Variants in DTX3 observed in about 807,000 individuals in gnomAD.
The protein encoded by DTX3 is E3 ubiquitin-protein ligase DTX3.
DTX3 carries 10 observed loss-of-function variants against 27.4 expected under a neutral mutation model. That is an observed-to-expected ratio of 0.36 (90% CI 0.22 to 0.62). DTX3 has a LOEUF of 0.62. DTX3 is among the 20% of genes least tolerant of loss of function. The pLI, the probability that DTX3 is intolerant of heterozygous loss-of-function variation, is 0.68. For synonymous variants in DTX3, 171 were observed against 190.7 expected (o/e 0.90, Z 0.85); for missense variants, 319 against 463.8 (o/e 0.69, Z 2.87).
rs534917728 is a variant in DTX3 at position 57,608,884 on chromosome 12, C to G, written c.968+147C>G. On this transcript the variant is annotated intron_variant, in intron 6 of 6. Transcript: ENST00000337737. The surrounding 1 kb of genome is among the most constrained non-coding windows in gnomAD (Gnocchi z 6.1). ...CAGCCATCTCAGTTTCTCCTACATT[C>G]AACCTGGTCCTGGTGTGCCCAGCTT... is the stretch of plus-strand genomic sequence containing the variant. 25 of 1,126,840 alleles carry G rather than the reference C, an allele frequency of 2.2e-5. No homozygotes were observed. The Admixed American group carries it at 2.6e-4, about 12-fold the overall frequency. The allele number at this position is 1,126,840 out of a possible 1,614,324, so 69.8% of individuals were successfully genotyped here. A position where few individuals can be genotyped will look rare whatever the true frequency, so the allele number is the denominator to read the frequency against.
Position 57,607,230 on chromosome 12 carries a change from C to A in DTX3, c.367C>A (p.Pro123Thr), listed in dbSNP as rs1423428330. 14 of 1,606,670 alleles carry A rather than the reference C, an allele frequency of 8.7e-6. No homozygotes were observed. The change falls in exon 5 of 7, where the codon CCC becomes ACC. Residue 123 changes from proline to threonine, a missense_variant. Coordinates refer to ENST00000337737, the MANE Select transcript of DTX3 (RefSeq NM_178502.4). The surrounding 1 kb of genome is among the most constrained non-coding windows in gnomAD (Gnocchi z 7.7). ...CCCTGAGATGCACCGCGCAGGCCCA[C>A]CCCCTCTCCGAGCAGCCCCACTTCT... is the stretch of plus-strand genomic sequence containing the variant. ...EHPEMHRAGP[P>T]PLRAAPLLPP...
chr12:57,608,978 T>C lies in DTX3; in HGVS notation c.969-99T>C. 8.5e-7 allele frequency: 1 copy of C among 1,175,160 alleles called. No homozygotes were observed. Among genetic ancestry groups the C allele is most frequent in the Admixed American group, 1.9e-5 (1 of 52,320 alleles). 72.8% of individuals were successfully genotyped at this position (1,175,160 alleles called of 1,614,324 possible). On this transcript the variant is annotated intron_variant, in intron 6 of 6. Coordinates refer to ENST00000337737, the MANE Select transcript of DTX3 (RefSeq NM_178502.4). This position sits in a 1 kb window ranked among gnomAD's most constrained non-coding sequence, Gnocchi z 6.1. ...TGGAGGTGTCCTCCCTTAGGGGAGG[T>C]GGGGAGGTGTCTGAGCCACCTAGAA...
Position 57,607,477 on chromosome 12 carries a change from T to G in DTX3, c.614T>G (p.Phe205Cys), listed in dbSNP as rs753133057. The G allele has an allele frequency of 3.1e-6, 5 of 1,614,182 alleles. No individual in the cohort carries two copies. The South Asian group carries it at 5.5e-5, about 18-fold the overall frequency. Reference protein sequence around the residue: ...VKKACPMCGRFYGQLVGNQPQ... With the variant: ...VKKACPMCGRCYGQLVGNQPQ... ...AAGGCCTGCCCCATGTGCGGCCGCT[T>G]CTATGGGCAGCTGGTGGGCAACCAG... Residue 205 changes from phenylalanine (F) to cysteine (C), a missense_variant, in exon 5 of 7, where the codon TTC becomes TGC. Phe to Cys is a radical substitution (Grantham distance 205). This residue lies in a region of DTX3 where 117 missense variants were observed against 258.5 expected (regional missense o/e 0.45). Transcript: ENST00000337737. The surrounding 1 kb of genome is among the most constrained non-coding windows in gnomAD (Gnocchi z 7.7).
In DTX3 at chr12:57,606,264, G is replaced by A. The variant is rs151324459; in HGVS notation, c.-76+12G>A. 294 of 518,500 alleles carry A rather than the reference G, an allele frequency of 5.7e-4. No homozygotes were observed. Among genetic ancestry groups the A allele is most frequent in the African/African-American group, 2.7e-3 (134 of 50,264 alleles). 32.1% of individuals were successfully genotyped at this position (518,500 alleles called of 1,614,324 possible). On this transcript the variant is annotated intron_variant, in intron 3 of 6. Coordinates refer to ENST00000337737, the MANE Select transcript of DTX3 (RefSeq NM_178502.4). ...CATGGGCTTTCCAGGTATCTCCCCC[G>A]CAAGGGATCCTCAATTTTCACCCTT...
In DTX3 at chr12:57,607,418, C is replaced by T. The variant is rs776424735; in HGVS notation, c.555C>T (p.Cys185=). 6.2e-6 allele frequency: 10 copies of T among 1,613,824 alleles called. No homozygotes were observed. Among genetic ancestry groups the T allele is most frequent in the South Asian group, 4.4e-5 (4 of 91,048 alleles). The part of the protein sequence containing the change: ...KTLEKCRHSF[C]EGCITRALQV... Reference sequence around the variant, plus strand: ...TGGAGAAGTGCCGGCATTCATTCTGCGAGGGCTGCATCACCCGGGCTCTGC... The same window carrying T: ...TGGAGAAGTGCCGGCATTCATTCTGTGAGGGCTGCATCACCCGGGCTCTGC... Residue 185 remains cysteine (C), a synonymous_variant, in exon 5 of 7, where the codon TGC becomes TGT. Coordinates refer to ENST00000337737, the MANE Select transcript of DTX3 (RefSeq NM_178502.4). This position sits in a 1 kb window ranked among gnomAD's most constrained non-coding sequence, Gnocchi z 7.7.
In DTX3 at chr12:57,609,318, A is replaced by T; in HGVS notation, c.*166A>T. 1.5e-6 allele frequency: 1 copy of T among 649,920 alleles called. No individual in the cohort carries two copies. Among genetic ancestry groups the T allele is most frequent in the Non-Finnish European group, 2.7e-6 (1 of 367,950 alleles). 40.3% of individuals were successfully genotyped at this position (649,920 alleles called of 1,614,324 possible). A position where few individuals can be genotyped will look rare whatever the true frequency, so the allele number is the denominator to read the frequency against. ...GGGGCAATCCCTTCCCCCATCCCCC[A>T]CTGGCCAAGTGTTTCAATGCAGTGT... On this transcript the variant is annotated 3_prime_UTR_variant, in exon 7 of 7. Coordinates refer to ENST00000337737, the MANE Select transcript of DTX3 (RefSeq NM_178502.4).
In DTX3 at chr12:57,606,514, T is replaced by C. The variant is rs1565720348; in HGVS notation, c.-4T>C. The C allele has an allele frequency of 1.9e-6, 3 of 1,613,898 alleles. No homozygotes were observed. Among genetic ancestry groups the C allele is most frequent in the Admixed American group, 3.3e-5 (2 of 59,998 alleles). On this transcript the variant is annotated 5_prime_UTR_variant, in exon 4 of 7. Coordinates refer to ENST00000337737, the MANE Select transcript of DTX3 (RefSeq NM_178502.4). ...CATGCCAATTCTAAGCTCTTCAGGA[T>C]CAAAGTAAGCAAAAAGGAGGGGCAA... is the stretch of plus-strand genomic sequence containing the variant.
At position 57,609,458 on chromosome 12, in the gene DTX3, C is replaced by T. The variant is rs1426253621; in HGVS notation, c.*306C>T. 2 of 348,060 alleles carry T rather than the reference C, an allele frequency of 5.7e-6. No individual in the cohort carries two copies. The highest frequency in any genetic ancestry group is 1.1e-5 in the Non-Finnish European group (2 of 185,062). 21.6% of individuals were successfully genotyped at this position (348,060 alleles called of 1,614,324 possible). On this transcript the variant is annotated 3_prime_UTR_variant, in exon 7 of 7. Coordinates refer to ENST00000337737, the MANE Select transcript of DTX3 (RefSeq NM_178502.4). ...TGCCCTTGGCTTTTTCTGGTATGTG[C>T]TGTGCTCCACGACCAAGCCGAGAAA...
chr12:57,604,911 C>G, intron 1 of DTX3, 53 bp downstream of exon 1: 1 of 151,532 alleles, frequency 6.6e-6, no homozygotes, highest in East Asian at 1.9e-4. Flanking sequence ...GGGCCCCGCT[C>G]GCACCCCTCA....
chr12:57,605,481 G>C (rs1266957900), intron 1 of DTX3, 90 bp from the exon 2 acceptor site: 1 of 152,312 alleles, frequency 6.6e-6, no homozygotes, highest in Admixed American at 6.5e-5. Flanking sequence ...GGCCTTGGGG[G>C]ACGATGATGG....
In DTX3 at chr12:57,608,930, A is replaced by T. The variant is rs776943262; in HGVS notation, c.969-147A>T. On this transcript the variant is annotated intron_variant, in intron 6 of 6. Coordinates refer to ENST00000337737, the MANE Select transcript of DTX3 (RefSeq NM_178502.4). The surrounding 1 kb of genome is among the most constrained non-coding windows in gnomAD (Gnocchi z 6.1). ...AGCTTAGCCTACAAAAATAAGCAGAACTGGGCTAAATTATCTTGGATTTGG... is the reference window on the plus strand; with the variant it reads ...AGCTTAGCCTACAAAAATAAGCAGATCTGGGCTAAATTATCTTGGATTTGG... The T allele has an allele frequency of 2.8e-6, 3 of 1,059,926 alleles. No homozygotes were observed. In the South Asian group the frequency reaches 4.1e-5, roughly 14 times the overall value. The allele number at this position is 1,059,926 out of a possible 1,614,324, so 65.7% of individuals were successfully genotyped here.
At position 57,609,167 on chromosome 12, in the gene DTX3, G is replaced by C; in HGVS notation, c.*15G>C. 1 of 1,613,758 alleles carries C rather than the reference G, an allele frequency of 6.2e-7. No homozygotes were observed. Among genetic ancestry groups the C allele is most frequent in the Non-Finnish European group, 8.5e-7 (1 of 1,179,746 alleles). ...CAGATGACTGAAGGACATCGCCTTT[G>C]CCAAGGCCCCTGCTGTCTGCCTCTA... On this transcript the variant is annotated 3_prime_UTR_variant, in exon 7 of 7. Coordinates refer to ENST00000337737, the MANE Select transcript of DTX3 (RefSeq NM_178502.4).
At position 57,609,226 on chromosome 12, in the gene DTX3, G is replaced by T. The variant is rs1405525333; in HGVS notation, c.*74G>T. ...CAGCAGAAGCCTCTTTCTCCTCTCT[G>T]CCCCCTGCCCCCCACACCACACCTG... On this transcript the variant is annotated 3_prime_UTR_variant, in exon 7 of 7. Coordinates refer to ENST00000337737, the MANE Select transcript of DTX3 (RefSeq NM_178502.4). The T allele has an allele frequency of 5.0e-5, 69 of 1,381,046 alleles. No homozygotes were observed. Among genetic ancestry groups the T allele is most frequent in the Non-Finnish European group, 6.7e-5 (66 of 978,108 alleles). The allele number at this position is 1,381,046 out of a possible 1,614,324, so 85.5% of individuals were successfully genotyped here.
Position 57,608,886 on chromosome 12 carries a change from A to G in DTX3, c.968+149A>G. On this transcript the variant is annotated intron_variant, in intron 6 of 6. Transcript: ENST00000337737. The surrounding 1 kb of genome is among the most constrained non-coding windows in gnomAD (Gnocchi z 6.1). ...GCCATCTCAGTTTCTCCTACATTCAACCTGGTCCTGGTGTGCCCAGCTTAG... is the reference window on the plus strand; with the variant it reads ...GCCATCTCAGTTTCTCCTACATTCAGCCTGGTCCTGGTGTGCCCAGCTTAG... The G allele has an allele frequency of 8.9e-7, 1 of 1,125,644 alleles. No individual in the cohort carries two copies. The highest frequency in any genetic ancestry group is 1.3e-6 in the Non-Finnish European group (1 of 761,736). The allele number at this position is 1,125,644 out of a possible 1,614,324, so 69.7% of individuals were successfully genotyped here. A position where few individuals can be genotyped will look rare whatever the true frequency, so the allele number is the denominator to read the frequency against.
chr12:57,607,511 T>G lies in DTX3; in HGVS notation c.648T>G (p.Asn216Lys). 1 of 1,614,182 alleles carries G rather than the reference T, an allele frequency of 6.2e-7. No individual in the cohort carries two copies. Among genetic ancestry groups the G allele is most frequent in the Non-Finnish European group, 8.5e-7 (1 of 1,180,020 alleles). ...AGCTGGTGGGCAACCAGCCCCAGAA[T>G]GGGCGGATGCTGGTCTCTAAGGACG... ...YGQLVGNQPQ[N>K]GRMLVSKDAT... The change falls in exon 5 of 7, where the codon AAT (asparagine) becomes AAG (lysine). Residue 216 changes from asparagine to lysine, a missense_variant. Physicochemically the swap from Asn to Lys is moderately conservative, Grantham distance 94. Transcript: ENST00000337737. This position sits in a 1 kb window ranked among gnomAD's most constrained non-coding sequence, Gnocchi z 7.7.
rs1428414068 is a variant in DTX3 at position 57,607,405 on chromosome 12, G to A, written c.542G>A (p.Arg181Gln). The A allele has an allele frequency of 6.8e-6, 11 of 1,613,848 alleles. No homozygotes were observed. Among genetic ancestry groups the A allele is most frequent in the East Asian group, 6.7e-5 (3 of 44,866 alleles). ...AATGCCAAGACATTGGAGAAGTGCC[G>A]GCATTCATTCTGCGAGGGCTGCATC... ...IQNAKTLEKC[R>Q]HSFCEGCITR... is the part of the protein sequence containing the mutation. Residue 181 changes from arginine to glutamine, a missense_variant, in exon 5 of 7, where the codon CGG (arginine) becomes CAG (glutamine). By Grantham distance (43) the Arg-to-Gln change is conservative. Transcript: ENST00000337737. This position sits in a 1 kb window ranked among gnomAD's most constrained non-coding sequence, Gnocchi z 7.7.
rs371515552 is a variant in DTX3 at position 57,608,651 on chromosome 12, C to T, written c.882C>T (p.Ile294=). ...TTGACCAGCGTCTCACCTTCACTAT[C>T]GGCACGTCCATGACCACAGGGAGAC... ...KAFDQRLTFT[I]GTSMTTGRPN... is the part of the protein sequence containing the mutation. Residue 294 remains isoleucine (I), a synonymous_variant, in exon 6 of 7, where the codon ATC becomes ATT. Transcript: ENST00000337737. The surrounding 1 kb of genome is among the most constrained non-coding windows in gnomAD (Gnocchi z 6.1). 2.3e-5 allele frequency: 37 copies of T among 1,614,080 alleles called. No homozygotes were observed. The highest frequency in any genetic ancestry group is 1.6e-4 in the African/African-American group (12 of 74,926).
chr12:57,608,902 C>T lies in DTX3; in HGVS notation c.968+165C>T, dbSNP rs762058567. The T allele has an allele frequency of 3.8e-6, 4 of 1,057,968 alleles. No individual in the cohort carries two copies. Among genetic ancestry groups the T allele is most frequent in the East Asian group, 2.6e-5 (1 of 38,728 alleles). The allele number at this position is 1,057,968 out of a possible 1,614,324, so 65.5% of individuals were successfully genotyped here. A position where few individuals can be genotyped will look rare whatever the true frequency, so the allele number is the denominator to read the frequency against. ...CTACATTCAACCTGGTCCTGGTGTGCCCAGCTTAGCCTACAAAAATAAGCA... is the reference window on the plus strand; with the variant it reads ...CTACATTCAACCTGGTCCTGGTGTGTCCAGCTTAGCCTACAAAAATAAGCA... On this transcript the variant is annotated intron_variant, in intron 6 of 6. Transcript: ENST00000337737. This position sits in a 1 kb window ranked among gnomAD's most constrained non-coding sequence, Gnocchi z 6.1.
rs767134033 is a variant in DTX3, at chr12:57,608,820, C to G, written c.968+83C>G. The G allele has an allele frequency of 5.2e-5, 77 of 1,472,868 alleles. No homozygotes were observed. Among genetic ancestry groups the G allele is most frequent in the Non-Finnish European group, 6.6e-5 (71 of 1,071,558 alleles). 91.2% of individuals were successfully genotyped at this position (1,472,868 alleles called of 1,614,324 possible). A position where few individuals can be genotyped will look rare whatever the true frequency, so the allele number is the denominator to read the frequency against. On this transcript the variant is annotated intron_variant, in intron 6 of 6. Transcript: ENST00000337737. The surrounding 1 kb of genome is among the most constrained non-coding windows in gnomAD (Gnocchi z 6.1). Reference sequence around the variant, plus strand: ...GAGGGACCCACCAACCCCTCGCTCACGGAGCCTCCTAACTGGAGAGAACCA... The same window carrying G: ...GAGGGACCCACCAACCCCTCGCTCAGGGAGCCTCCTAACTGGAGAGAACCA...
Sources: gnomAD v4.1 joint callset for allele counts on GRCh38, gnomAD v4.1.1 for gene constraint, gnomAD v4.1.1 regional missense constraint, Gnocchi (gnomAD v3.1) non-coding constraint, MANE v1.5 for transcripts, NCBI Gene and HGNC (gene_info 2026-07-23, HGNC 2026-07-21) for gene names.